The following EPS15 variants were observed in gnomAD, a reference collection of about 807,000 sequenced individuals.
The protein encoded by EPS15 is epidermal growth factor receptor pathway substrate 15, also known as epidermal growth factor receptor substrate 15.
A neutral mutation model predicts 113.8 loss-of-function variants in EPS15; 72 were observed. That is an observed-to-expected ratio of 0.63 (90% CI 0.52 to 0.77). EPS15 has a LOEUF of 0.77. EPS15 is among the 30% of genes least tolerant of loss of function. EPS15 has a pLI of 0.00. For synonymous variants in EPS15, 344 were observed against 363.4 expected (o/e 0.95, Z 0.61); for missense variants, 1,048 against 1,045.8 (o/e 1.00, Z -0.03).
chr1:51,356,452 A>G lies in EPS15; in HGVS notation c.*248T>C, dbSNP rs1375606710. 10 of 403,188 alleles carry G rather than the reference A, an allele frequency of 2.5e-5. No homozygotes were observed. The highest frequency in any genetic ancestry group is 8.5e-5 in the Admixed American group (2 of 23,420). 25.0% of individuals were successfully genotyped at this position (403,188 alleles called of 1,614,324 possible). On this transcript the variant is annotated 3_prime_UTR_variant, in exon 25 of 25. Coordinates refer to ENST00000371733, the MANE Select transcript of EPS15 (RefSeq NM_001981.3). ...ACAGGCAGGCAAAAGCTCACAGTAAATGTATACCAGAACAGGGGCCTAAGT... is the reference window on the plus strand; with the variant it reads ...ACAGGCAGGCAAAAGCTCACAGTAAGTGTATACCAGAACAGGGGCCTAAGT...
rs78271705 is a variant in EPS15 at position 51,442,075 on chromosome 1, G to T, written c.955-1643C>A. On this transcript the variant is annotated intron_variant, in intron 11 of 24. Coordinates refer to ENST00000371733, the MANE Select transcript of EPS15 (RefSeq NM_001981.3). ...TTTTATATTAATTACAGCTTTGTAT[G>T]AAATATACCTCCTATTTTCTGTGTT... Among the ~76,000 whole-genome samples the T allele has an allele frequency of 3.0e-4, 46 of 152,146 alleles. No homozygotes were observed. In the East Asian group the frequency reaches 8.5e-3, roughly 28 times the overall value.
At chr1:51,422,358 C>T (rs1650836849) in intron 12 of EPS15, among the ~76,000 whole-genome samples, 1 of 152,068 alleles carries the variant, frequency 6.6e-6, no homozygotes. Flanking sequence ...TAGAATGAAA[C>T]AACAGAGAAA....
chr1:51,421,508 C>T lies in EPS15; in HGVS notation c.1113+278G>A, dbSNP rs186661529. ...CATTGTAAGTCATGCAAACTTACCC[C>T]TTTAATGATATAATATGCAGGTAAG... is the stretch of plus-strand genomic sequence containing the variant. On this transcript the variant is annotated intron_variant, in intron 13 of 24. Transcript: ENST00000371733. 4.6e-5 allele frequency among the ~76,000 whole-genome samples: 7 copies of T among 152,100 alleles called. No individual in the cohort carries two copies. In the East Asian group the frequency reaches 1.2e-3, roughly 25 times the overall value.
At chr1:51,416,921 C>T (rs1449491303) in intron 13 of EPS15, among the ~76,000 whole-genome samples, 3 of 151,366 alleles carry the variant, frequency 2.0e-5, no homozygotes, top group Admixed American at 1.3e-4. Flanking sequence ...TAATCAGATA[C>T]ACTGTTTTAT....
chr1:51,431,016 AC>A (rs1557462557), intron 12 of EPS15, among the ~76,000 whole-genome samples: 88 of 137,154 alleles, frequency 6.4e-4, no homozygotes, highest in African/African-American at 2.3e-3. Flanking sequence ...ACACACACAC[AC>A]ACACACACAC....
chr1:51,474,275 C>A (rs1254174352), intron 2 of EPS15, among the ~76,000 whole-genome samples: 1 of 152,174 alleles, frequency 6.6e-6, no homozygotes, highest in African/African-American at 2.4e-5. Context: ...AGTCTTAGAG[C>A]CTCATGAAAA....
At chr1:51,440,066 C>T (rs1471830357) in intron 12 of EPS15, among the ~76,000 whole-genome samples, 1 of 151,866 alleles carries the variant, frequency 6.6e-6, no homozygotes, top group African/African-American at 2.4e-5. Context: ...GTTAATGGCA[C>T]GTCATTGTTT....
At position 51,405,904 on chromosome 1, in the gene EPS15, C is replaced by A; in HGVS notation, c.1677+1G>T. 6.2e-7 allele frequency: 1 copy of A among 1,613,396 alleles called. No individual in the cohort carries two copies. The highest frequency in any genetic ancestry group is 1.3e-5 in the African/African-American group (1 of 75,006). ...GAAGGTTATGAAAGTATTAGACTCA[C>A]TGGAGATTCCTGGTGTATGGGCTCA... On this transcript the variant is annotated splice_donor_variant, in intron 16 of 24. Transcript: ENST00000371733. LOFTEE classifies it high-confidence loss of function.
At chr1:51,427,503 G>C (rs985085787) in intron 12 of EPS15, among the ~76,000 whole-genome samples, 2 of 152,176 alleles carry the variant, frequency 1.3e-5, no homozygotes, top group African/African-American at 4.8e-5. Context: ...CAGTGTACTA[G>C]GTGCTACAAC....
At chr1:51,452,370 C>T (rs905194877) in intron 8 of EPS15, among the ~76,000 whole-genome samples, 6 of 152,130 alleles carry the variant, frequency 3.9e-5, no homozygotes, top group African/African-American at 1.4e-4. Flanking sequence ...GCAGCCTCAA[C>T]CTCCCAGGCT....
At chr1:51,474,046 T>C (rs1257371154) in intron 2 of EPS15, among the ~76,000 whole-genome samples, 1 of 152,212 alleles carries the variant, frequency 6.6e-6, no homozygotes, top group Non-Finnish European at 1.5e-5. Flanking sequence ...TATAGAAGCA[T>C]TCAGGGGAAA....
At chr1:51,487,988 T>C (rs994782062) in intron 1 of EPS15, among the ~76,000 whole-genome samples, 16 of 152,036 alleles carry the variant, frequency 1.1e-4, no homozygotes, top group Admixed American at 6.6e-4. Flanking sequence ...GAGGAAAAAA[T>C]TGAAAGGCAT....
intron 13 of EPS15, among the ~76,000 whole-genome samples, chr1:51,420,813 T>C (rs1650681473): frequency 6.6e-6 from 1 of 152,154 alleles, no homozygotes; most frequent in African/African-American, 2.4e-5. Flanking sequence ...CTCCCCACCC[T>C]AGCACAGTCC....
chr1:51,384,180 C>A (rs1343863919), intron 21 of EPS15, among the ~76,000 whole-genome samples: 2 of 152,084 alleles, frequency 1.3e-5, no homozygotes, highest in African/African-American at 4.8e-5. Flanking sequence ...AATGCAATCC[C>A]TATCAAAAAT....
intron 16 of EPS15, among the ~76,000 whole-genome samples, chr1:51,404,737 C>G (rs1648933538): frequency 6.6e-6 from 1 of 152,144 alleles, no homozygotes; most frequent in Non-Finnish European, 1.5e-5. Flanking sequence ...CACTTTCTGA[C>G]CTAAAATTGG....
rs76551417 is a variant in EPS15 at position 51,420,808 on chromosome 1, C to T, written c.1113+978G>A. Among the ~76,000 whole-genome samples the T allele has an allele frequency of 8.8e-3, 1,346 of 152,236 alleles. 22 individuals are homozygous for T. Among genetic ancestry groups the T allele is most frequent in the African/African-American group, 0.031 (1,291 of 41,556 alleles). On this transcript the variant is annotated intron_variant, in intron 13 of 24. Coordinates refer to ENST00000371733, the MANE Select transcript of EPS15 (RefSeq NM_001981.3). Reference sequence around the variant, plus strand: ...CAATTCTTCAGTAAATCATTCTCCCCACCCTAGCACAGTCCACCAGACAGA... The same window carrying T: ...CAATTCTTCAGTAAATCATTCTCCCTACCCTAGCACAGTCCACCAGACAGA...
intron 21 of EPS15, among the ~76,000 whole-genome samples, chr1:51,393,526 C>A (rs1185768199): frequency 6.6e-6 from 1 of 152,198 alleles, no homozygotes; most frequent in Non-Finnish European, 1.5e-5. Context: ...TTCTACTATT[C>A]TTTTTCTATG....
intron 15 of EPS15, among the ~76,000 whole-genome samples, chr1:51,407,041 A>C: frequency 6.6e-6 from 1 of 152,202 alleles, no homozygotes; most frequent in African/African-American, 2.4e-5. Flanking sequence ...ATAACTGAGC[A>C]CACTGGACTG....
intron 8 of EPS15, among the ~76,000 whole-genome samples, chr1:51,452,815 A>T (rs1156799971): frequency 6.6e-6 from 1 of 152,152 alleles, no homozygotes; most frequent in African/African-American, 2.4e-5. Flanking sequence ...ACCTTAACCC[A>T]TTGGTACCCA....
Sources: allele counts gnomAD v4.1 joint callset (sites outside exome capture counted in the v4.1 genomes callset), GRCh38; gene constraint gnomAD v4.1.1; transcripts MANE v1.5; gene names NCBI Gene and HGNC (gene_info 2026-07-23, HGNC 2026-07-21).